Variants in SPNS2 observed in about 807,000 individuals in gnomAD.
SPNS2 encodes the protein sphingosine-1-phosphate transporter SPNS2.
Under a neutral mutation model 57.6 loss-of-function variants are expected in SPNS2, and 37 were observed. The ratio of observed to expected loss-of-function variants is 0.64; its 90% CI spans 0.49 to 0.85. SPNS2 has a LOEUF of 0.85. Ranked by LOEUF, SPNS2 falls within the 40% of genes least tolerant of loss-of-function variation. The pLI, the probability that SPNS2 is intolerant of heterozygous loss-of-function variation, is 0.00. For missense variants in SPNS2, 831 were observed against 779.1 expected, an observed-to-expected ratio of 1.07 and a Z score of -0.79; for synonymous variants, 440 against 346.9, an observed-to-expected ratio of 1.27 and a Z score of -2.98.
chr17:4,521,132 C>T (rs1440391522), intron 2 of SPNS2, among the ~76,000 whole-genome samples: 1 of 152,158 alleles, frequency 6.6e-6, no homozygotes, highest in Admixed American at 6.5e-5. Context: ...CTTGGTGGTT[C>T]CCCAACATAG....
At chr17:4,518,735 C>G (rs978672645) in intron 2 of SPNS2, among the ~76,000 whole-genome samples, 5 of 152,184 alleles carry the variant, frequency 3.3e-5, no homozygotes, top group Non-Finnish European at 5.9e-5. Flanking sequence ...GACAGTGCCT[C>G]TGTTTTGGGG....
chr17:4,499,026 C>A lies in SPNS2; in HGVS notation c.-22C>A. ...TGGGCCCCGCGCCCCCCGCGCCCCC[C>A]GCCGCCCCGATCCGGGCCGGCATGA... On this transcript the variant is annotated 5_prime_UTR_variant, in exon 1 of 13. Coordinates refer to ENST00000329078, the MANE Select transcript of SPNS2 (RefSeq NM_001124758.3). The surrounding 1 kb of genome is among the most constrained non-coding windows in gnomAD (Gnocchi z 5.2). 1.0e-6 allele frequency: 1 copy of A among 999,846 alleles called. No individual in the cohort carries two copies. The highest frequency in any genetic ancestry group is 4.6e-5 in the South Asian group (1 of 21,852). The allele number at this position is 999,846 out of a possible 1,614,324, so 61.9% of individuals were successfully genotyped here. A position where few individuals can be genotyped will look rare whatever the true frequency, so the allele number is the denominator to read the frequency against.
chr17:4,503,952 G>A (rs1465088835), intron 1 of SPNS2, among the ~76,000 whole-genome samples: 3 of 151,198 alleles, frequency 2.0e-5, no homozygotes, highest in Non-Finnish European at 2.9e-5. Flanking sequence ...GGAGGAGGGG[G>A]TGCCAGGCTG....
chr17:4,527,771 C>G (rs934699718), intron 3 of SPNS2, among the ~76,000 whole-genome samples: 4 of 152,086 alleles, frequency 2.6e-5, no homozygotes, highest in East Asian at 1.9e-4. Flanking sequence ...TGTGGGGAAT[C>G]GGGGACTCCA....
intron 1 of SPNS2, among the ~76,000 whole-genome samples, chr17:4,504,245 G>A (rs1416008637): frequency 3.9e-5 from 6 of 152,212 alleles, no homozygotes; most frequent in African/African-American, 1.4e-4. Flanking sequence ...TGAGGGGCAG[G>A]GCATCCAGAG....
rs78653019 is a variant in SPNS2 at position 4,532,979 on chromosome 17, G to A, written c.938G>A (p.Arg313His). Residue 313 changes from arginine to histidine, a missense_variant and splice_region_variant, in exon 7 of 13, where the codon CGC becomes CAC. By Grantham distance (29) the Arg-to-His change is conservative. This residue lies in a region of SPNS2 where 526 missense variants were observed against 400.9 expected (regional missense o/e 1.31). Transcript: ENST00000329078. ...GTCACTGCCTGGCCTCTCCCCAGCC[G>A]CAGCTACGTCTTCTCCTCCCTGGCC... is the stretch of plus-strand genomic sequence containing the variant. ...LRDMKALIRN[R>H]SYVFSSLATS... 149 of 1,610,486 alleles carry A rather than the reference G, an allele frequency of 9.3e-5. No homozygotes were observed. The highest frequency in any genetic ancestry group is 8.3e-4 in the Middle Eastern group (5 of 6,020).
rs553122021 is a variant in SPNS2 at position 4,532,933 on chromosome 17, A to G, written c.936-44A>G. 1.9e-6 allele frequency: 3 copies of G among 1,583,636 alleles called. No homozygotes were observed. The Admixed American group carries it at 5.2e-5, about 27-fold the overall frequency. On this transcript the variant is annotated intron_variant, in intron 6 of 12. Transcript: ENST00000329078. ...GTGCATGGGGCTGCCTAGGGGGGTGAAGGAGGTCCCTGAGCTCAGTGTCAC... is the reference window on the plus strand; with the variant it reads ...GTGCATGGGGCTGCCTAGGGGGGTGGAGGAGGTCCCTGAGCTCAGTGTCAC...
At chr17:4,531,829 C>T (rs770330941) in intron 5 of SPNS2, among the ~76,000 whole-genome samples, 10 of 152,152 alleles carry the variant, frequency 6.6e-5, no homozygotes, top group East Asian at 1.9e-4. Flanking sequence ...CCCTCCCACC[C>T]GGAGAGAAGC....
intron 12 of SPNS2, among the ~76,000 whole-genome samples, 198 bp downstream of exon 12, chr17:4,537,144 A>G (rs1223617331): frequency 6.6e-6 from 1 of 152,246 alleles, no homozygotes; most frequent in Non-Finnish European, 1.5e-5. Context: ...CTTCCAGTAA[A>G]TTAGCTCCCC....
intron 11 of SPNS2, 150 bp from the exon 12 acceptor site, chr17:4,536,750 C>T (rs1393871719): frequency 9.9e-6 from 7 of 707,858 alleles, no homozygotes; most frequent in Non-Finnish European, 1.8e-5. Context: ...CTCTCCCCAC[C>T]CCTGGGCTCT....
chr17:4,537,397 A>T (rs1905908675), intron 12 of SPNS2, 56 bp from the exon 13 acceptor site: 1 of 400,684 alleles, frequency 2.5e-6, no homozygotes, highest in African/African-American at 2.1e-5. Flanking sequence ...GAGGGAGGGC[A>T]GCCTTGGCAC....
chr17:4,530,527 C>T lies in SPNS2; in HGVS notation c.574-105C>T, dbSNP rs570400424. 2.6e-5 allele frequency: 36 copies of T among 1,384,554 alleles called. No individual in the cohort carries two copies. The African/African-American group carries it at 4.6e-4, about 18-fold the overall frequency. The allele number at this position is 1,384,554 out of a possible 1,614,324, so 85.8% of individuals were successfully genotyped here. ...CCACCAGCACCCTCACCCTTCTCTC[C>T]CCTGGCTCCTGGGCCCTGCAGGGGG... On this transcript the variant is annotated intron_variant, in intron 3 of 12. Transcript: ENST00000329078.
At chr17:4,524,378 G>A (rs2144346699) in intron 2 of SPNS2, among the ~76,000 whole-genome samples, 1 of 152,304 alleles carries the variant, frequency 6.6e-6, no homozygotes, top group African/African-American at 2.4e-5. Context: ...TAATACATGA[G>A]ATACAAAGAT....
chr17:4,536,496 C>T (rs554832829), intron 11 of SPNS2, 70 bp downstream of exon 11: 2 of 1,523,954 alleles, frequency 1.3e-6, no homozygotes, highest in African/African-American at 1.4e-5. Flanking sequence ...ACCGTGAGCC[C>T]TGCCCTGGGG....
In SPNS2 at chr17:4,499,415, C is replaced by A; in HGVS notation, c.368C>A (p.Ala123Glu). Reference sequence around the variant, plus strand: ...AACTACCTGGACAGGTACACCGTGGCAGGTGAGCGAGTGCCCCACCCAGCC... The same window carrying A: ...AACTACCTGGACAGGTACACCGTGGAAGGTGAGCGAGTGCCCCACCCAGCC... ...VLNYLDRYTV[A>E]GVLLDIQQHF... Residue 123 changes from alanine to glutamate, a missense_variant and splice_region_variant, in exon 1 of 13, where the codon GCA (alanine) becomes GAA (glutamate). Physicochemically the swap from Ala to Glu is moderately radical, Grantham distance 107. This residue lies in a region of SPNS2 where 305 missense variants were observed against 378.3 expected (regional missense o/e 0.81). Coordinates refer to ENST00000329078, the MANE Select transcript of SPNS2 (RefSeq NM_001124758.3). The surrounding 1 kb of genome is among the most constrained non-coding windows in gnomAD (Gnocchi z 5.2). 7.5e-7 allele frequency: 1 copy of A among 1,330,508 alleles called. No individual in the cohort carries two copies. Among genetic ancestry groups the A allele is most frequent in the Non-Finnish European group, 9.6e-7 (1 of 1,038,300 alleles). The allele number at this position is 1,330,508 out of a possible 1,614,324, so 82.4% of individuals were successfully genotyped here.
chr17:4,526,792 T>C (rs956020556), intron 3 of SPNS2, among the ~76,000 whole-genome samples: 1 of 151,836 alleles, frequency 6.6e-6, no homozygotes, highest in Non-Finnish European at 1.5e-5. Flanking sequence ...GGTGGGGACA[T>C]TGGAGGGAGG....
intron 2 of SPNS2, among the ~76,000 whole-genome samples, chr17:4,519,728 G>A (rs942070080): frequency 6.8e-6 from 1 of 147,950 alleles, no homozygotes; most frequent in Non-Finnish European, 1.5e-5. Flanking sequence ...ACGGGATTGC[G>A]GGGTGGTGGG....
chr17:4,535,942 GGA>G lies in SPNS2; in HGVS notation c.1345-128_1345-127del, dbSNP rs1247918107. 1.9e-5 allele frequency: 13 copies of G among 690,492 alleles called. 1 individual carries two copies. The highest frequency in any genetic ancestry group is 2.7e-5 in the Admixed American group (1 of 36,928). 42.8% of individuals were successfully genotyped at this position (690,492 alleles called of 1,614,324 possible). ...TGTGGGGAGGAGGGCAGGGCCCAGG[GGA>G]GAGAGGTGTCAAGACGTAGGGCAGG... On this transcript the variant is annotated intron_variant, in intron 9 of 12. Transcript: ENST00000329078.
At chr17:4,527,078 T>C (rs1342472694) in intron 3 of SPNS2, among the ~76,000 whole-genome samples, 1 of 152,120 alleles carries the variant, frequency 6.6e-6, no homozygotes, top group Non-Finnish European at 1.5e-5. Flanking sequence ...TCTGGGTGTG[T>C]GGAAGGAGAC....
Sources: gnomAD v4.1 joint callset for allele counts (sites outside exome capture counted in the v4.1 genomes callset) on GRCh38, gnomAD v4.1.1 for gene constraint, gnomAD v4.1.1 regional missense constraint, Gnocchi (gnomAD v3.1) non-coding constraint, MANE v1.5 for transcripts, NCBI Gene and HGNC (gene_info 2026-07-23, HGNC 2026-07-21) for gene names.